The following FOXP1 variants were observed in gnomAD, a reference collection of about 807,000 sequenced individuals.
FOXP1 encodes the protein forkhead box P1, also known as forkhead box protein P1.
FOXP1 carries 15 observed loss-of-function variants against 98.2 expected under a neutral mutation model. That is an observed-to-expected ratio of 0.15 (90% CI 0.10 to 0.24). The LOEUF is 0.24. Among genes scored for constraint, FOXP1 ranks in the 10% least tolerant of loss-of-function variants. The probability of loss-of-function intolerance (pLI) is 1.00; values close to 1 mark genes in which losing one functional copy is unlikely to be tolerated. For missense variants in FOXP1, 633 were observed against 848.5 expected (o/e 0.75, Z 3.15); for synonymous variants, 371 against 314.5 (o/e 1.18, Z -1.90).
chr3:71,131,821 G>C (rs1416976587), intron 6 of FOXP1, among the ~76,000 whole-genome samples: 1 of 152,164 alleles, frequency 6.6e-6, no homozygotes, highest in East Asian at 1.9e-4. Context: ...AGACATATTA[G>C]GTGGAACTGA....
chr3:71,072,715 A>T (rs2053396730), intron 7 of FOXP1, among the ~76,000 whole-genome samples: 1 of 152,182 alleles, frequency 6.6e-6, no homozygotes, highest in Admixed American at 6.5e-5. Flanking sequence ...TGCTTTCACC[A>T]AAAAAGATTT....
chr3:71,468,625 T>C (rs1449543046), intron 3 of FOXP1, among the ~76,000 whole-genome samples: 1 of 152,218 alleles, frequency 6.6e-6, no homozygotes, highest in East Asian at 1.9e-4. Context: ...TTAACCGTTC[T>C]AAAAAGATCC....
intron 11 of FOXP1, among the ~76,000 whole-genome samples, chr3:71,023,958 G>C (rs147506959): frequency 6.6e-6 from 1 of 152,316 alleles, no homozygotes; most frequent in South Asian, 2.1e-4. Flanking sequence ...ATCTCAAAGA[G>C]ATGATTCCTT....
intron 2 of FOXP1, among the ~76,000 whole-genome samples, chr3:71,568,835 C>T (rs1054560033): frequency 8.6e-5 from 13 of 151,952 alleles, no homozygotes; most frequent in Admixed American, 6.6e-5. Flanking sequence ...TTAGTAGAGA[C>T]GAGTTTTCAC....
At chr3:71,121,794 T>A (rs1381575895) in intron 6 of FOXP1, among the ~76,000 whole-genome samples, 1 of 152,212 alleles carries the variant, frequency 6.6e-6, no homozygotes, top group African/African-American at 2.4e-5. Flanking sequence ...GGATGCTGCA[T>A]CAAACTCTTT....
At chr3:71,434,631 G>GGT (rs55643841) in intron 3 of FOXP1, among the ~76,000 whole-genome samples, 3,585 of 141,866 alleles carry the variant, frequency 0.025, 63 homozygotes, top group East Asian at 0.05. Context: ...GAGGGGATGG[G>GGT]GTGTGTGTGT....
intron 2 of FOXP1, among the ~76,000 whole-genome samples, chr3:71,512,130 CA>C (rs2042245939): frequency 6.6e-6 from 1 of 152,170 alleles, no homozygotes; most frequent in Admixed American, 6.5e-5. Context: ...GATGGGAAGT[CA>C]CCTGCTCAAG....
intron 5 of FOXP1, among the ~76,000 whole-genome samples, chr3:71,220,734 CTGAG>C (rs779335774): frequency 5.4e-5 from 8 of 148,634 alleles, no homozygotes; most frequent in Non-Finnish European, 8.9e-5. Context: ...ACCTGGGTGA[CTGAG>C]TGAGACCCTG....
rs189121353 is a variant in FOXP1, at chr3:71,091,944, T to C, written c.282+20592A>G. On this transcript the variant is annotated intron_variant, in intron 7 of 20. Transcript: ENST00000649528. ...GACTCACGCCTGTAATTCCAGCACT[T>C]TGGGAGGCCGAGGCAGGCAGATCAC... 1.4e-3 allele frequency among the ~76,000 whole-genome samples: 218 copies of C among 152,234 alleles called. 3 individuals are homozygous for C. Among genetic ancestry groups the C allele is most frequent in the Middle Eastern group, 0.014 (4 of 294 alleles).
intron 5 of FOXP1, among the ~76,000 whole-genome samples, chr3:71,216,043 A>G (rs1453077381): frequency 1.3e-5 from 2 of 152,224 alleles, no homozygotes; most frequent in African/African-American, 4.8e-5. Context: ...GTGGTTGATT[A>G]TTAGTGCACC....
At chr3:71,338,899 A>C (rs1270272978) in intron 4 of FOXP1, among the ~76,000 whole-genome samples, 1 of 152,244 alleles carries the variant, frequency 6.6e-6, no homozygotes, top group Non-Finnish European at 1.5e-5. Flanking sequence ...CCACACGCTA[A>C]GAAACACACT....
At chr3:71,137,063 T>C (rs981707445) in intron 6 of FOXP1, among the ~76,000 whole-genome samples, 7 of 152,186 alleles carry the variant, frequency 4.6e-5, no homozygotes. Flanking sequence ...ATTTATCCTT[T>C]GGCAGGGATG....
At chr3:70,973,835 G>GCCCCCCCCCCCCCCCCCCCCCCCCCCCCC (rs56950015) in intron 17 of FOXP1, among the ~76,000 whole-genome samples, 10 of 36,692 alleles carry the variant, frequency 2.7e-4, no homozygotes, top group African/African-American at 4.1e-4. Context: ...TTTGCACACC[G>GCCCCCCCCCCCCCCCCCCCCCCCCCCCCC]CCCCCCCCCC....
At chr3:71,579,438 T>A (rs1227162100) in intron 2 of FOXP1, among the ~76,000 whole-genome samples, 1 of 152,080 alleles carries the variant, frequency 6.6e-6, no homozygotes, top group Non-Finnish European at 1.5e-5. Context: ...AGTAGTTAAA[T>A]TTTCCTAGAC....
intron 6 of FOXP1, among the ~76,000 whole-genome samples, chr3:71,168,181 C>T (rs752531716): frequency 9.2e-5 from 14 of 152,082 alleles, no homozygotes; most frequent in African/African-American, 2.7e-4. Flanking sequence ...TACCGAATTT[C>T]GCAACTCTAT....
chr3:71,169,923 G>A (rs942717818), intron 6 of FOXP1, among the ~76,000 whole-genome samples: 12 of 152,050 alleles, frequency 7.9e-5, no homozygotes, highest in East Asian at 3.9e-4. Flanking sequence ...TAGTTAAAAC[G>A]ATGGGATGAA....
intron 7 of FOXP1, among the ~76,000 whole-genome samples, chr3:71,084,838 G>C (rs2054852348): frequency 6.6e-6 from 1 of 152,150 alleles, no homozygotes; most frequent in African/African-American, 2.4e-5. Flanking sequence ...TTCGAGGCCA[G>C]CCTGTGCAAC....
chr3:71,302,460 C>G (rs1330277216), intron 4 of FOXP1, among the ~76,000 whole-genome samples: 2 of 147,404 alleles, frequency 1.4e-5, no homozygotes, highest in African/African-American at 5.0e-5. Flanking sequence ...TGTATGCTTA[C>G]TGGCAGCACA....
chr3:71,065,255 T>C (rs1397549420), intron 7 of FOXP1, among the ~76,000 whole-genome samples: 1 of 151,818 alleles, frequency 6.6e-6, no homozygotes, highest in African/African-American at 2.4e-5. Flanking sequence ...GCCGGGGCTC[T>C]GCGGGGCCGG....
Sources: allele counts gnomAD v4.1 joint callset (sites outside exome capture counted in the v4.1 genomes callset), GRCh38; gene constraint gnomAD v4.1.1; transcripts MANE v1.5; gene names NCBI Gene and HGNC (gene_info 2026-07-23, HGNC 2026-07-21).